Variants in CNTN5 observed in about 807,000 individuals in gnomAD.
The protein encoded by CNTN5 is contactin 5.
CNTN5 carries 77 observed loss-of-function variants against 129.1 expected under a neutral mutation model. That is an observed-to-expected ratio of 0.60 (90% CI 0.50 to 0.72). The LOEUF (loss-of-function observed/expected upper bound fraction) is 0.72, where lower values mean the gene tolerates loss of function less well. CNTN5 is among the 30% of genes least tolerant of loss of function. The probability of loss-of-function intolerance (pLI) is 0.00; values close to 1 mark genes in which losing one functional copy is unlikely to be tolerated. For synonymous variants in CNTN5, 509 were observed against 465.6 expected (o/e 1.09, Z -1.20); for missense variants, 1,478 against 1,328.8 (o/e 1.11, Z -1.75).
At chr11:99,698,025 T>G (rs147605702) in intron 3 of CNTN5, among the ~76,000 whole-genome samples, 2 of 151,414 alleles carry the variant, frequency 1.3e-5, no homozygotes, top group African/African-American at 4.8e-5. Context: ...TTACTGAACG[T>G]TTTTCATTAT....
chr11:99,201,782 G>T (rs552475621), intron 1 of CNTN5, among the ~76,000 whole-genome samples: 16 of 152,104 alleles, frequency 1.1e-4, no homozygotes, highest in Non-Finnish European at 1.9e-4. Context: ...AAGGAATGTT[G>T]GTCACCTCTA....
chr11:99,189,809 C>G (rs980003379), intron 1 of CNTN5, among the ~76,000 whole-genome samples: 1 of 151,346 alleles, frequency 6.6e-6, no homozygotes, highest in Non-Finnish European at 1.5e-5. Context: ...GGTGTTAACC[C>G]CTTATCATAT....
chr11:100,224,248 G>A (rs1022809254), intron 15 of CNTN5, among the ~76,000 whole-genome samples: 1 of 152,124 alleles, frequency 6.6e-6, no homozygotes. Context: ...CTTAGGAAAA[G>A]AGCTATTCAA....
chr11:99,929,339 C>T (rs893113770), intron 7 of CNTN5, among the ~76,000 whole-genome samples: 1 of 152,258 alleles, frequency 6.6e-6, no homozygotes, highest in East Asian at 1.9e-4. Flanking sequence ...TGGAACTGTT[C>T]CAACCTCTGC....
chr11:99,252,586 T>A (rs1485250019), intron 1 of CNTN5, among the ~76,000 whole-genome samples: 1 of 151,922 alleles, frequency 6.6e-6, no homozygotes, highest in African/African-American at 2.4e-5. Context: ...CCCCTAGACC[T>A]ATCATCTCAC....
intron 1 of CNTN5, among the ~76,000 whole-genome samples, chr11:99,204,647 G>A (rs556090848): frequency 1.3e-5 from 2 of 152,248 alleles, no homozygotes; most frequent in South Asian, 4.2e-4. Context: ...GTGTGCAATG[G>A]AAGAGCTTAA....
At chr11:99,098,185 A>C (rs1482538660) in intron 1 of CNTN5, among the ~76,000 whole-genome samples, 1 of 152,082 alleles carries the variant, frequency 6.6e-6, no homozygotes, top group South Asian at 2.1e-4. Context: ...AATCTCAAAG[A>C]GTTGGACTTT....
At chr11:99,704,283 T>G (rs1352432107) in intron 3 of CNTN5, among the ~76,000 whole-genome samples, 2 of 151,018 alleles carry the variant, frequency 1.3e-5, no homozygotes, top group African/African-American at 4.8e-5. Flanking sequence ...ACACAGGAAC[T>G]TATTAAATGC....
At chr11:99,277,443 A>T (rs1863493487) in intron 1 of CNTN5, among the ~76,000 whole-genome samples, 2 of 151,774 alleles carry the variant, frequency 1.3e-5, no homozygotes, top group South Asian at 2.1e-4. Context: ...CTGAACCTGA[A>T]ATGGCCCTTT....
chr11:99,997,726 C>G (rs1215386549), intron 8 of CNTN5, among the ~76,000 whole-genome samples: 1 of 152,066 alleles, frequency 6.6e-6, no homozygotes, highest in Non-Finnish European at 1.5e-5. Flanking sequence ...AGACCAATAT[C>G]CTTGATGAAC....
chr11:99,407,352 C>T (rs945573139), intron 2 of CNTN5, among the ~76,000 whole-genome samples: 2 of 152,096 alleles, frequency 1.3e-5, no homozygotes, highest in African/African-American at 4.8e-5. Flanking sequence ...ATGTCATCTG[C>T]GATCTAGGGC....
At chr11:99,883,295 G>A (rs778066264) in intron 6 of CNTN5, among the ~76,000 whole-genome samples, 13 of 152,134 alleles carry the variant, frequency 8.5e-5, no homozygotes, top group Non-Finnish European at 1.6e-4. Flanking sequence ...CCTCCAAACT[G>A]TTCTCCGTAG....
intron 3 of CNTN5, among the ~76,000 whole-genome samples, chr11:99,804,216 C>T (rs1036891741): frequency 6.6e-6 from 1 of 151,828 alleles, no homozygotes; most frequent in African/African-American, 2.4e-5. Context: ...ATGGTAGATA[C>T]ATTTATTTGG....
intron 2 of CNTN5, among the ~76,000 whole-genome samples, chr11:99,546,519 T>C (rs1948297469): frequency 6.6e-6 from 1 of 152,176 alleles, no homozygotes; most frequent in South Asian, 2.1e-4. Context: ...ATGGACACCC[T>C]GCAGGCTATA....
At chr11:100,169,923 T>C (rs1470289506) in intron 13 of CNTN5, among the ~76,000 whole-genome samples, 1 of 151,978 alleles carries the variant, frequency 6.6e-6, no homozygotes, top group Non-Finnish European at 1.5e-5. Flanking sequence ...CCTTTTTACC[T>C]GTTATTTATT....
chr11:99,625,825 A>G (rs991920981), intron 3 of CNTN5, among the ~76,000 whole-genome samples: 3 of 151,922 alleles, frequency 2.0e-5, no homozygotes, highest in East Asian at 1.9e-4. Context: ...ATATTTCACG[A>G]TGACGTAAGA....
At chr11:100,237,789 A>G (rs1949653508) in intron 16 of CNTN5, among the ~76,000 whole-genome samples, 1 of 152,202 alleles carries the variant, frequency 6.6e-6, no homozygotes, top group South Asian at 2.1e-4. Context: ...CTTAGTATGT[A>G]TGGGAAAAAT....
At chr11:99,460,947 C>T (rs1944675719) in intron 2 of CNTN5, among the ~76,000 whole-genome samples, 1 of 151,890 alleles carries the variant, frequency 6.6e-6, no homozygotes, top group Admixed American at 6.6e-5. Flanking sequence ...TTCATTATAA[C>T]AAGTTTATTT....
At position 100,299,030 on chromosome 11, in the gene CNTN5, T is replaced by A. The variant is rs549698593; in HGVS notation, c.2386-132T>A. 6 of 575,902 alleles carry A rather than the reference T, an allele frequency of 1.0e-5. No individual in the cohort carries two copies. In the South Asian group the frequency reaches 1.6e-4, roughly 16 times the overall value. 35.7% of individuals were successfully genotyped at this position (575,902 alleles called of 1,614,324 possible). A position where few individuals can be genotyped will look rare whatever the true frequency, so the allele number is the denominator to read the frequency against. Reference sequence around the variant, plus strand: ...CCAAAGTGATTGTACTATTTTGGCTTCCAATGTAGTATAAAGATTTGAGAT... The same window carrying A: ...CCAAAGTGATTGTACTATTTTGGCTACCAATGTAGTATAAAGATTTGAGAT... On this transcript the variant is annotated intron_variant, in intron 19 of 24. Coordinates refer to ENST00000524871, the MANE Select transcript of CNTN5 (RefSeq NM_014361.4).
Sources: allele counts gnomAD v4.1 joint callset (sites outside exome capture counted in the v4.1 genomes callset), GRCh38; gene constraint gnomAD v4.1.1; transcripts MANE v1.5; gene names NCBI Gene and HGNC (gene_info 2026-07-23, HGNC 2026-07-21).